Variants in CFAP58 observed in about 807,000 individuals in gnomAD.
CFAP58 encodes cilia- and flagella-associated protein 58.
CFAP58 carries 88 observed loss-of-function variants against 119.5 expected under a neutral mutation model. The observed-to-expected ratio is 0.74, with a 90% confidence interval of 0.62 to 0.88. The LOEUF (loss-of-function observed/expected upper bound fraction) is 0.88, where lower values mean the gene tolerates loss of function less well. Among genes scored for constraint, CFAP58 ranks in the 40% least tolerant of loss-of-function variants. CFAP58 has a pLI of 0.00. For synonymous variants in CFAP58, 365 were observed against 366.3 expected (o/e 1.00, Z 0.04); for missense variants, 990 against 1,021.2 (o/e 0.97, Z 0.42).
chr10:104,403,476 T>A lies in CFAP58; in HGVS notation c.2040-253T>A, dbSNP rs537221563. Among the ~76,000 whole-genome samples the A allele has an allele frequency of 3.3e-5, 5 of 151,084 alleles. No individual in the cohort carries two copies. The East Asian group carries it at 9.8e-4, about 29-fold the overall frequency. The stretch of plus-strand genomic sequence containing the variant: ...CGTATACTTATAAATTTATTGAGTA[T>A]CCAGAACCATGACTCTGACTCTGAA... On this transcript the variant is annotated intron_variant, in intron 13 of 17. Coordinates refer to ENST00000369704, the MANE Select transcript of CFAP58 (RefSeq NM_001008723.2).
At chr10:104,421,657 G>C (rs992313022) in intron 15 of CFAP58, among the ~76,000 whole-genome samples, 1 of 152,164 alleles carries the variant, frequency 6.6e-6, no homozygotes, top group Non-Finnish European at 1.5e-5. Context: ...TAGTGGATAC[G>C]ACTCTTGAAC....
intron 15 of CFAP58, among the ~76,000 whole-genome samples, chr10:104,436,816 C>A (rs1166648764): frequency 2.6e-5 from 4 of 152,188 alleles, no homozygotes; most frequent in African/African-American, 9.7e-5. Flanking sequence ...ATATATAGTA[C>A]CTCCTTTCTA....
At chr10:104,386,728 A>G (rs1046235253) in intron 9 of CFAP58, among the ~76,000 whole-genome samples, 2 of 152,242 alleles carry the variant, frequency 1.3e-5, no homozygotes, top group African/African-American at 4.8e-5. Context: ...TGAACTAAGA[A>G]TGAATGGAAA....
chr10:104,353,994 C>T (rs2014505351), intron 1 of CFAP58, 88 bp downstream of exon 1: 1 of 1,492,314 alleles, frequency 6.7e-7, no homozygotes, highest in Non-Finnish European at 9.3e-7. Context: ...ACGGTGATTC[C>T]AATATTTCCC....
intron 10 of CFAP58, 95 bp downstream of exon 10, chr10:104,392,489 T>C: frequency 1.3e-6 from 1 of 783,388 alleles, no homozygotes; most frequent in East Asian, 3.5e-5. Context: ...TAGAATAGAT[T>C]AAAAAAAAAA....
chr10:104,369,865 C>T (rs2014799674), intron 6 of CFAP58, among the ~76,000 whole-genome samples: 1 of 152,114 alleles, frequency 6.6e-6, no homozygotes, highest in Non-Finnish European at 1.5e-5. Flanking sequence ...CTTCTAATGG[C>T]AAAATTTTAA....
chr10:104,430,607 A>T (rs894923740), intron 15 of CFAP58, among the ~76,000 whole-genome samples: 2 of 152,144 alleles, frequency 1.3e-5, no homozygotes, highest in African/African-American at 4.8e-5. Context: ...ATACTTTTTC[A>T]TCTAGTTTCA....
At chr10:104,449,714 C>T (rs2013165250) in intron 16 of CFAP58, among the ~76,000 whole-genome samples, 2 of 151,958 alleles carry the variant, frequency 1.3e-5, no homozygotes, top group Admixed American at 6.6e-5. Flanking sequence ...TTTTTTAAGG[C>T]TTTAAAAGCA....
chr10:104,449,145 T>G (rs1250693863), intron 16 of CFAP58, among the ~76,000 whole-genome samples: 4 of 149,618 alleles, frequency 2.7e-5, no homozygotes, highest in Non-Finnish European at 4.4e-5. Context: ...TTCTAAAAGT[T>G]TAACTACTGA....
intron 9 of CFAP58, among the ~76,000 whole-genome samples, chr10:104,380,464 A>G (rs1285758292): frequency 6.6e-6 from 1 of 151,962 alleles, no homozygotes; most frequent in African/African-American, 2.4e-5. Context: ...CCCTCTTCCA[A>G]CTTCTGGGTT....
intron 15 of CFAP58, 144 bp from the exon 16 acceptor site, chr10:104,447,554 A>T: frequency 1.0e-6 from 1 of 992,074 alleles, no homozygotes; most frequent in Non-Finnish European, 1.5e-6. Flanking sequence ...TGCATGACTG[A>T]ATGAATCTGT....
At chr10:104,388,013 G>A (rs1263482835) in intron 9 of CFAP58, among the ~76,000 whole-genome samples, 1 of 152,092 alleles carries the variant, frequency 6.6e-6, no homozygotes, top group Non-Finnish European at 1.5e-5. Flanking sequence ...ATTGATTAAA[G>A]AAATATTGTC....
chr10:104,358,038 C>T (rs1384334461), intron 1 of CFAP58, among the ~76,000 whole-genome samples: 2 of 142,102 alleles, frequency 1.4e-5, no homozygotes, highest in South Asian at 2.1e-4. Context: ...TACATATGTA[C>T]ATATACACAC....
rs567998455 is a variant in CFAP58, at chr10:104,380,341, A to G, written c.1365+121A>G. 18 of 979,404 alleles carry G rather than the reference A, an allele frequency of 1.8e-5. No homozygotes were observed. The African/African-American group carries it at 2.6e-4, about 14-fold the overall frequency. The allele number at this position is 979,404 out of a possible 1,614,324, so 60.7% of individuals were successfully genotyped here. A position where few individuals can be genotyped will look rare whatever the true frequency, so the allele number is the denominator to read the frequency against. On this transcript the variant is annotated intron_variant, in intron 9 of 17. Transcript: ENST00000369704. ...ATTTCTGTTTGTAATTTGTGTGAAG[A>G]TTTGGGAGGAACGATGTGGACAAAA...
Position 104,357,996 on chromosome 10 carries a change from TACAC to T in CFAP58, c.10-343_10-340del, listed in dbSNP as rs371702701. On this transcript the variant is annotated intron_variant, in intron 1 of 17. Coordinates refer to ENST00000369704, the MANE Select transcript of CFAP58 (RefSeq NM_001008723.2). ...ATATGTACATATGTACACATATATGTACACATATATACACATATATGTACATATA... is the reference window on the plus strand; with the variant it reads ...ATATGTACATATGTACACATATATGTATATATACACATATATGTACATATA... Among the ~76,000 whole-genome samples the T allele has an allele frequency of 1.1e-3, 149 of 136,648 alleles. 2 individuals carry two copies. The East Asian group carries it at 0.022, about 20-fold the overall frequency. The allele number at this position is 136,648 out of a possible 152,430, so 89.6% of individuals were successfully genotyped here. A position where few individuals can be genotyped will look rare whatever the true frequency, so the allele number is the denominator to read the frequency against.
chr10:104,429,254 C>G lies in CFAP58; in HGVS notation c.2257-18444C>G, dbSNP rs146395245. Among the ~76,000 whole-genome samples, 1,158 of 152,086 alleles carry G rather than the reference C, an allele frequency of 7.6e-3. 12 individuals carry two copies. The highest frequency in any genetic ancestry group is 0.027 in the African/African-American group (1,101 of 41,498). Reference sequence around the variant, plus strand: ...TGCAGTTGAGGAAGAAGAAGGAGAGCAATGAAATCAGGCAGAGGCTAATGT... The same window carrying G: ...TGCAGTTGAGGAAGAAGAAGGAGAGGAATGAAATCAGGCAGAGGCTAATGT... On this transcript the variant is annotated intron_variant, in intron 15 of 17. Coordinates refer to ENST00000369704, the MANE Select transcript of CFAP58 (RefSeq NM_001008723.2).
intron 15 of CFAP58, among the ~76,000 whole-genome samples, chr10:104,426,547 CAA>C (rs768601457): frequency 3.3e-5 from 5 of 151,334 alleles, no homozygotes; most frequent in Non-Finnish European, 7.4e-5. Context: ...CAAAACAAAA[CAA>C]AAAACAAAAC....
chr10:104,368,776 ATGGTT>A (rs1342685785), intron 6 of CFAP58, among the ~76,000 whole-genome samples: 2 of 152,314 alleles, frequency 1.3e-5, no homozygotes, highest in Non-Finnish European at 2.9e-5. Flanking sequence ...TATTGATCAT[ATGGTT>A]ATGCAAATGG....
intron 15 of CFAP58, among the ~76,000 whole-genome samples, chr10:104,432,355 T>A (rs1196094345): frequency 6.6e-6 from 1 of 152,136 alleles, no homozygotes; most frequent in African/African-American, 2.4e-5. Context: ...GAAATATGAA[T>A]CAGTAGTGAA....
Sources: gnomAD v4.1 joint callset for allele counts (sites outside exome capture counted in the v4.1 genomes callset) on GRCh38, gnomAD v4.1.1 for gene constraint, MANE v1.5 for transcripts, NCBI Gene and HGNC (gene_info 2026-07-23, HGNC 2026-07-21) for gene names.